Variants in ZC3HAV1L observed in about 807,000 individuals in gnomAD.
ZC3HAV1L encodes zinc finger CCCH-type antiviral protein 1-like.
ZC3HAV1L carries 23 observed loss-of-function variants against 28.2 expected under a neutral mutation model. The observed-to-expected ratio is 0.82, with a 90% confidence interval of 0.59 to 1.16. ZC3HAV1L has a LOEUF of 1.16. Among genes scored for constraint, ZC3HAV1L ranks in the 50% most tolerant of loss-of-function variants. The pLI is 0.00. For missense variants in ZC3HAV1L, 376 were observed against 387.7 expected, an observed-to-expected ratio of 0.97 and a Z score of 0.25; for synonymous variants, 180 against 163.4, an observed-to-expected ratio of 1.10 and a Z score of -0.78.
chr7:139,029,229 C>T (rs977816053), intron 2 of ZC3HAV1L, among the ~76,000 whole-genome samples: 2 of 152,150 alleles, frequency 1.3e-5, no homozygotes, highest in African/African-American at 2.4e-5. Context: ...TCTCCAACTC[C>T]TCACCTCAGG....
intron 3 of ZC3HAV1L, among the ~76,000 whole-genome samples, chr7:139,027,302 G>A (rs1815384258): frequency 6.6e-6 from 1 of 152,092 alleles, no homozygotes; most frequent in African/African-American, 2.4e-5. Context: ...TGATTTCTAG[G>A]TACCAGCAAA....
intron 2 of ZC3HAV1L, 53 bp from the exon 3 acceptor site, chr7:139,029,013 G>A: frequency 2.6e-6 from 4 of 1,549,706 alleles, no homozygotes; most frequent in Non-Finnish European, 3.5e-6. Flanking sequence ...TTTTTTTTTG[G>A]CAGCGGGGAG....
At chr7:139,025,084 T>A (rs1354494606), downstream of ZC3HAV1L, among the ~76,000 whole-genome samples, 3 of 152,076 alleles carry the variant, frequency 2.0e-5, no homozygotes, top group African/African-American at 7.2e-5. Context: ...ACAGGAAGAA[T>A]GGATACAATT....
rs1409835306 is a variant in ZC3HAV1L, at chr7:139,026,351, T to A, written c.*193A>T. ...GGTGGACCACAGAAGTCAGCAGAGC[T>A]CCATCTACCCAGCCTGAGGAAAGCA... is the stretch of plus-strand genomic sequence containing the variant. On this transcript the variant is annotated 3_prime_UTR_variant, in exon 5 of 5. Transcript: ENST00000275766. 7 of 727,494 alleles carry A rather than the reference T, an allele frequency of 9.6e-6. No homozygotes were observed. The African/African-American group carries it at 1.3e-4, about 13-fold the overall frequency. 45.1% of individuals were successfully genotyped at this position (727,494 alleles called of 1,614,324 possible).
At position 139,026,576 on chromosome 7, in the gene ZC3HAV1L, T is replaced by C. The variant is rs377765478; in HGVS notation, c.887-16A>G. 6.2e-7 allele frequency: 1 copy of C among 1,612,102 alleles called. No homozygotes were observed. Among genetic ancestry groups the C allele is most frequent in the South Asian group, 1.1e-5 (1 of 91,002 alleles). On this transcript the variant is annotated splice_polypyrimidine_tract_variant and intron_variant, in intron 4 of 4. Coordinates refer to ENST00000275766, the MANE Select transcript of ZC3HAV1L (RefSeq NM_080660.4). ...TCGCAAGACACTGTGAGGTAGATAT[T>C]ATTATGACCATTACAAATCTATCAT...
downstream of ZC3HAV1L, among the ~76,000 whole-genome samples, chr7:139,023,053 T>C (rs1199450258): frequency 6.6e-6 from 1 of 152,006 alleles, no homozygotes; most frequent in Non-Finnish European, 1.5e-5. Context: ...TACATGCCTA[T>C]AATCCCAGCT....
At position 139,026,357 on chromosome 7, in the gene ZC3HAV1L, T is replaced by A; in HGVS notation, c.*187A>T. 1 of 795,812 alleles carries A rather than the reference T, an allele frequency of 1.3e-6. No homozygotes were observed. Among genetic ancestry groups the A allele is most frequent in the Admixed American group, 3.2e-5 (1 of 30,900 alleles). 49.3% of individuals were successfully genotyped at this position (795,812 alleles called of 1,614,324 possible). ...CCACAGAAGTCAGCAGAGCTCCATC[T>A]ACCCAGCCTGAGGAAAGCACCTAGG... is the stretch of plus-strand genomic sequence containing the variant. On this transcript the variant is annotated 3_prime_UTR_variant, in exon 5 of 5. Transcript: ENST00000275766.
chr7:139,022,923 C>T (rs984479398), downstream of ZC3HAV1L, among the ~76,000 whole-genome samples: 1 of 152,156 alleles, frequency 6.6e-6, no homozygotes, highest in Non-Finnish European at 1.5e-5. Context: ...GCCTATAATA[C>T]TAACACTTTG....
At position 139,026,468 on chromosome 7, in the gene ZC3HAV1L, A is replaced by G; in HGVS notation, c.*76T>C. Reference sequence around the variant, plus strand: ...ATTTTAGCCTCTCTTTGCCTGTTCAATGTCCCACCCCATCCCCAACCACCC... The same window carrying G: ...ATTTTAGCCTCTCTTTGCCTGTTCAGTGTCCCACCCCATCCCCAACCACCC... On this transcript the variant is annotated 3_prime_UTR_variant, in exon 5 of 5. Coordinates refer to ENST00000275766, the MANE Select transcript of ZC3HAV1L (RefSeq NM_080660.4). The G allele has an allele frequency of 1.3e-6, 2 of 1,591,710 alleles. No individual in the cohort carries two copies. The highest frequency in any genetic ancestry group is 1.7e-6 in the Non-Finnish European group (2 of 1,171,544).
rs529977847 is a variant in ZC3HAV1L at position 139,033,784 on chromosome 7, G to A, written c.501+759C>T. 37 of 985,350 alleles carry A rather than the reference G, an allele frequency of 3.8e-5. 1 individual carries two copies. In the South Asian group the frequency reaches 1.5e-3, roughly 39 times the overall value. The allele number at this position is 985,350 out of a possible 1,614,324, so 61.0% of individuals were successfully genotyped here. On this transcript the variant is annotated intron_variant, in intron 2 of 4. Transcript: ENST00000275766. ...ATAAAATTAAAAGGCAAATAGCAGCGGCACCACGCCTTCTCTCTGAGACAG... is the reference window on the plus strand; with the variant it reads ...ATAAAATTAAAAGGCAAATAGCAGCAGCACCACGCCTTCTCTCTGAGACAG...
intron 2 of ZC3HAV1L, among the ~76,000 whole-genome samples, 166 bp from the exon 3 acceptor site, chr7:139,029,126 C>T (rs1815448747): frequency 6.6e-6 from 1 of 152,052 alleles, no homozygotes; most frequent in Non-Finnish European, 1.5e-5. Flanking sequence ...CCTCAGCCTC[C>T]CGAGTAGCTG....
intron 1 of ZC3HAV1L, chr7:139,035,394 G>T (rs963374935): frequency 1.0e-5 from 10 of 982,286 alleles, no homozygotes; most frequent in African/African-American, 1.7e-5. Context: ...CGCAGGATCC[G>T]GGGGGGCGGG....
rs1429412112 is a variant in ZC3HAV1L at position 139,026,366 on chromosome 7, T to C, written c.*178A>G. On this transcript the variant is annotated 3_prime_UTR_variant, in exon 5 of 5. Coordinates refer to ENST00000275766, the MANE Select transcript of ZC3HAV1L (RefSeq NM_080660.4). The stretch of plus-strand genomic sequence containing the variant: ...TCAGCAGAGCTCCATCTACCCAGCC[T>C]GAGGAAAGCACCTAGGAGCTGCAGA... The C allele has an allele frequency of 1.1e-6, 1 of 920,192 alleles. No individual in the cohort carries two copies. 57.0% of individuals were successfully genotyped at this position (920,192 alleles called of 1,614,324 possible). A position where few individuals can be genotyped will look rare whatever the true frequency, so the allele number is the denominator to read the frequency against.
Position 139,026,275 on chromosome 7 carries a change from G to C in ZC3HAV1L, c.*269C>G. 2.4e-6 allele frequency: 1 copy of C among 415,122 alleles called. No homozygotes were observed. The highest frequency in any genetic ancestry group is 4.2e-6 in the Non-Finnish European group (1 of 237,070). 25.7% of individuals were successfully genotyped at this position (415,122 alleles called of 1,614,324 possible). A position where few individuals can be genotyped will look rare whatever the true frequency, so the allele number is the denominator to read the frequency against. On this transcript the variant is annotated 3_prime_UTR_variant, in exon 5 of 5. Coordinates refer to ENST00000275766, the MANE Select transcript of ZC3HAV1L (RefSeq NM_080660.4). ...ACAATATTAAGTGAAAAAAAAAAAT[G>C]AGTGCAAAGTACTCTAGGATTGCCA...
chr7:139,034,119 T>C, intron 2 of ZC3HAV1L: 1 of 985,452 alleles, frequency 1.0e-6, no homozygotes, highest in East Asian at 1.1e-4. Context: ...GTCTTGTGGC[T>C]ATCTTCCTTT....
intron 2 of ZC3HAV1L, among the ~76,000 whole-genome samples, chr7:139,030,482 C>T (rs1422802122): frequency 6.6e-6 from 1 of 152,038 alleles, no homozygotes; most frequent in Admixed American, 6.6e-5. Context: ...TTGCAGTGAG[C>T]TGAGATTGCG....
At chr7:139,035,559 G>C in intron 1 of ZC3HAV1L, 94 bp downstream of exon 1, 1 of 1,338,520 alleles carries the variant, frequency 7.5e-7, no homozygotes, top group South Asian at 1.9e-5. Flanking sequence ...GCCCGGGGCA[G>C]GACGAAGCCC....
intron 3 of ZC3HAV1L, 127 bp from the exon 4 acceptor site, chr7:139,026,960 T>C: frequency 9.0e-7 from 1 of 1,108,262 alleles, no homozygotes; most frequent in Non-Finnish European, 1.2e-6. Context: ...GTTCATGTCT[T>C]CTGGATTTTA....
chr7:139,033,607 C>G (rs1186869261), intron 2 of ZC3HAV1L, among the ~76,000 whole-genome samples: 1 of 152,078 alleles, frequency 6.6e-6, no homozygotes, highest in Non-Finnish European at 1.5e-5. Context: ...TAAGTGCAGC[C>G]AACCCATCAG....
Sources: gnomAD v4.1 joint callset for allele counts (sites outside exome capture counted in the v4.1 genomes callset) on GRCh38, gnomAD v4.1.1 for gene constraint, MANE v1.5 for transcripts, NCBI Gene and HGNC (gene_info 2026-07-23, HGNC 2026-07-21) for gene names.